Variants in WDFY3 observed in about 807,000 individuals in gnomAD.
WDFY3 encodes the protein WD repeat and FYVE domain containing 3.
In WDFY3, 66 loss-of-function variants were observed where a neutral mutation model predicts 409.6. That is an observed-to-expected ratio of 0.16 (90% CI 0.13 to 0.20). WDFY3 has a LOEUF of 0.20. WDFY3 is among the 10% of genes least tolerant of loss of function. WDFY3 has a pLI of 1.00. For synonymous variants in WDFY3, 1,521 were observed against 1,537.1 expected (o/e 0.99, Z 0.25); for missense variants, 3,031 against 4,298.1 (o/e 0.71, Z 8.24).
chr4:84,702,823 G>A (rs1477796555), intron 55 of WDFY3, among the ~76,000 whole-genome samples: 4 of 152,182 alleles, frequency 2.6e-5, no homozygotes, highest in African/African-American at 4.8e-5. Flanking sequence ...CTGGCCGGGC[G>A]CGGCGGCTCA....
intron 65 of WDFY3, among the ~76,000 whole-genome samples, chr4:84,678,486 T>C (rs1361882548): frequency 1.3e-5 from 2 of 152,194 alleles, no homozygotes; most frequent in African/African-American, 2.4e-5. Context: ...AAACATCTCG[T>C]TGAAGGAGAC....
At chr4:84,773,766 G>C (rs1157481292) in intron 29 of WDFY3, among the ~76,000 whole-genome samples, 1 of 152,172 alleles carries the variant, frequency 6.6e-6, no homozygotes, top group Non-Finnish European at 1.5e-5. Flanking sequence ...TGTCACCCAG[G>C]CTGGAGTGCA....
chr4:84,766,649 G>C (rs1444227339), intron 30 of WDFY3, among the ~76,000 whole-genome samples: 1 of 152,136 alleles, frequency 6.6e-6, no homozygotes, highest in East Asian at 1.9e-4. Flanking sequence ...CCAGTAGGGG[G>C]AAAGTCATCA....
intron 55 of WDFY3, 119 bp from the exon 56 acceptor site, chr4:84,702,625 C>T: frequency 1.1e-6 from 1 of 876,282 alleles, no homozygotes. Flanking sequence ...TCCCATTATC[C>T]TACATTAAAT....
chr4:84,731,114 TA>T (rs1736528950), intron 44 of WDFY3, among the ~76,000 whole-genome samples: 1 of 152,140 alleles, frequency 6.6e-6, no homozygotes, highest in African/African-American at 2.4e-5. Flanking sequence ...CATTATGTTT[TA>T]AGAAAGTTTA....
intron 56 of WDFY3, among the ~76,000 whole-genome samples, chr4:84,697,605 T>C (rs1041462114): frequency 2.0e-5 from 3 of 152,202 alleles, no homozygotes; most frequent in Non-Finnish European, 2.9e-5. Context: ...CAAAATATAT[T>C]AAATTTGGCT....
At position 84,711,429 on chromosome 4, in the gene WDFY3, A is replaced by G. The variant is rs149645491; in HGVS notation, c.8042+1730T>C. Among the ~76,000 whole-genome samples the G allele has an allele frequency of 4.1e-3, 625 of 152,366 alleles. 4 individuals are homozygous for G. The highest frequency in any genetic ancestry group is 0.014 in the African/African-American group (585 of 41,586). On this transcript the variant is annotated intron_variant, in intron 51 of 67. Coordinates refer to ENST00000295888, the MANE Select transcript of WDFY3 (RefSeq NM_014991.6). ...TAAGATCTCAAAGGAAAAATAGGCAAAAGATACGGACAATTTACAAAAATG... is the reference window on the plus strand; with the variant it reads ...TAAGATCTCAAAGGAAAAATAGGCAGAAGATACGGACAATTTACAAAAATG...
At chr4:84,961,420 C>A (rs1462610987) in intron 1 of WDFY3, among the ~76,000 whole-genome samples, 1 of 151,732 alleles carries the variant, frequency 6.6e-6, no homozygotes, top group Non-Finnish European at 1.5e-5. Context: ...AAAAAAAATT[C>A]TTTATGATAA....
At chr4:84,794,760 A>T in intron 20 of WDFY3, 23 bp from the exon 21 acceptor site, 7 of 1,578,190 alleles carry the variant, frequency 4.4e-6, no homozygotes, top group Non-Finnish European at 5.2e-6. Flanking sequence ...TTAAAAAAAA[A>T]AGTCTGTGTT....
At chr4:84,829,335 T>C in intron 8 of WDFY3, 145 bp from the exon 9 acceptor site, 2 of 673,652 alleles carry the variant, frequency 3.0e-6, no homozygotes, top group Non-Finnish European at 2.3e-6. Flanking sequence ...ATTCTAAAAG[T>C]CAATATAAGA....
intron 9 of WDFY3, among the ~76,000 whole-genome samples, chr4:84,827,387 C>T (rs1755013995): frequency 2.0e-5 from 3 of 152,044 alleles, no homozygotes; most frequent in Admixed American, 6.5e-5. Flanking sequence ...ATACTATATA[C>T]AGTATGTTGT....
intron 23 of WDFY3, among the ~76,000 whole-genome samples, chr4:84,787,271 C>T (rs533851417): frequency 6.6e-5 from 10 of 152,032 alleles, no homozygotes; most frequent in East Asian, 1.9e-4. Flanking sequence ...GGATAATAAG[C>T]GATCAGACAT....
chr4:84,813,504 T>C (rs1413000660), intron 13 of WDFY3, among the ~76,000 whole-genome samples: 1 of 152,178 alleles, frequency 6.6e-6, no homozygotes. Context: ...TGCTATATAA[T>C]GGTGTACTAC....
At chr4:84,691,948 A>G (rs1243542204) in intron 59 of WDFY3, among the ~76,000 whole-genome samples, 163 bp from the exon 60 acceptor site, 1 of 152,228 alleles carries the variant, frequency 6.6e-6, no homozygotes, top group African/African-American at 2.4e-5. Context: ...AATCTCCTAC[A>G]AGACCTGCTG....
At chr4:84,751,994 T>C (rs1338357909) in intron 35 of WDFY3, among the ~76,000 whole-genome samples, 1 of 152,126 alleles carries the variant, frequency 6.6e-6, no homozygotes, top group Non-Finnish European at 1.5e-5. Context: ...ACTTAAAATA[T>C]ATGGAATAAT....
intron 1 of WDFY3, among the ~76,000 whole-genome samples, chr4:84,951,650 G>A (rs1410644241): frequency 1.8e-4 from 27 of 152,234 alleles, no homozygotes; most frequent in Non-Finnish European, 4.4e-5. Flanking sequence ...AGATGTGAAC[G>A]TAAGCCATGC....
chr4:84,853,488 T>G (rs184009627), intron 4 of WDFY3, among the ~76,000 whole-genome samples: 2 of 152,212 alleles, frequency 1.3e-5, no homozygotes, highest in African/African-American at 4.8e-5. Flanking sequence ...ACATGGTTTT[T>G]TAATGGAGGT....
Position 84,708,963 on chromosome 4 carries a change from A to G in WDFY3, c.8163T>C (p.Asn2721=), listed in dbSNP as rs1732447090. Residue 2721 remains asparagine (N), a synonymous_variant, in exon 53 of 68, where the codon AAT becomes AAC. Transcript: ENST00000295888. ...HLNTLAGRSY[N]DLMQYPVFPW... ...GGAAGACAGGATACTGCATGAGATC[A>G]TTATATGATCTGCCAGCCAAAGTGT... 1 of 1,613,982 alleles carries G rather than the reference A, an allele frequency of 6.2e-7. No homozygotes were observed. Among genetic ancestry groups the G allele is most frequent in the Non-Finnish European group, 8.5e-7 (1 of 1,179,968 alleles).
chr4:84,756,453 C>T (rs1251239683), intron 33 of WDFY3, among the ~76,000 whole-genome samples: 3 of 151,762 alleles, frequency 2.0e-5, no homozygotes, highest in Non-Finnish European at 2.9e-5. Flanking sequence ...AGCGGGGTAG[C>T]GCCTGACTGT....
Sources: allele counts gnomAD v4.1 joint callset (sites outside exome capture counted in the v4.1 genomes callset), GRCh38; gene constraint gnomAD v4.1.1; transcripts MANE v1.5; gene names NCBI Gene and HGNC (gene_info 2026-07-23, HGNC 2026-07-21).